PCDH15: variants seen among roughly 807,000 people sequenced by gnomAD.
PCDH15 encodes the protein protocadherin related 15, also known as protocadherin-15.
A neutral mutation model predicts 178.5 loss-of-function variants in PCDH15; 129 were observed. The observed-to-expected ratio is 0.72, with a 90% CI of 0.63 to 0.84. The LOEUF is 0.84. Among genes scored for constraint, PCDH15 ranks in the 40% least tolerant of loss-of-function variants. The pLI is 0.00. For synonymous variants in PCDH15, 800 were observed against 732.0 expected (o/e 1.09, Z -1.50); for missense variants, 2,230 against 2,099.9 (o/e 1.06, Z -1.21).
intron 15 of PCDH15, among the ~76,000 whole-genome samples, chr10:54,101,652 T>A (rs2094814111): frequency 6.6e-6 from 1 of 152,196 alleles, no homozygotes; most frequent in Non-Finnish European, 1.5e-5. Context: ...CAATCACAAC[T>A]GCTAAAAAAG....
chr10:53,994,611 A>C (rs1266470461), intron 21 of PCDH15: 2 of 152,186 alleles, frequency 1.3e-5, no homozygotes, highest in African/African-American at 2.4e-5. Flanking sequence ...GATGGGTTCA[A>C]GTCTATGAAA....
chr10:54,288,687 G>A (rs551501966), intron 8 of PCDH15, among the ~76,000 whole-genome samples: 27 of 152,306 alleles, frequency 1.8e-4, no homozygotes, highest in African/African-American at 2.9e-4. Context: ...CAAGGTCTTC[G>A]CAACTGGCAG....
At chr10:54,635,555 A>G (rs968818497) in intron 2 of PCDH15, among the ~76,000 whole-genome samples, 1 of 151,932 alleles carries the variant, frequency 6.6e-6, no homozygotes, top group Non-Finnish European at 1.5e-5. Flanking sequence ...CATATAATAC[A>G]TTAAGCATTG....
chr10:54,232,651 G>T (rs2054188865), intron 9 of PCDH15, among the ~76,000 whole-genome samples: 1 of 152,010 alleles, frequency 6.6e-6, no homozygotes, highest in Non-Finnish European at 1.5e-5. Context: ...GCATCCATTT[G>T]TCTAGTTGGC....
intron 2 of PCDH15, among the ~76,000 whole-genome samples, chr10:55,035,559 A>G (rs1265133816): frequency 2.6e-5 from 4 of 152,202 alleles, no homozygotes; most frequent in Admixed American, 1.3e-4. Flanking sequence ...AATAAAGTTA[A>G]CTATTCATGG....
intron 3 of PCDH15, among the ~76,000 whole-genome samples, chr10:54,444,111 G>C (rs2076002376): frequency 6.6e-6 from 1 of 151,790 alleles, no homozygotes; most frequent in East Asian, 1.9e-4. Context: ...CAAGAGGTAA[G>C]GGAATATTTA....
At chr10:54,406,646 G>C (rs1017539281) in intron 3 of PCDH15, among the ~76,000 whole-genome samples, 13 of 152,072 alleles carry the variant, frequency 8.5e-5, no homozygotes, top group Non-Finnish European at 1.6e-4. Flanking sequence ...CACTTCACAG[G>C]AATTTGATGG....
At chr10:54,460,781 G>C (rs997043702) in intron 3 of PCDH15, among the ~76,000 whole-genome samples, 4 of 152,082 alleles carry the variant, frequency 2.6e-5, no homozygotes, top group African/African-American at 9.7e-5. Context: ...TATCGAGGTA[G>C]CGAGTTGAAG....
At chr10:54,636,571 A>G (rs2093858168) in intron 2 of PCDH15, among the ~76,000 whole-genome samples, 1 of 152,006 alleles carries the variant, frequency 6.6e-6, no homozygotes, top group Non-Finnish European at 1.5e-5. Context: ...ATTTTCTAGA[A>G]GCCACATATA....
chr10:55,045,940 T>C (rs186110808), intron 2 of PCDH15, among the ~76,000 whole-genome samples: 1 of 152,198 alleles, frequency 6.6e-6, no homozygotes, highest in Admixed American at 6.6e-5. Context: ...TGTAAAATAA[T>C]TGTTCTCCAG....
At chr10:53,952,144 C>G (rs192928468) in intron 23 of PCDH15, among the ~76,000 whole-genome samples, 58 of 152,326 alleles carry the variant, frequency 3.8e-4, no homozygotes, top group African/African-American at 1.3e-3. Flanking sequence ...CTTCTCTTCT[C>G]TCCTTCTCAT....
intron 28 of PCDH15, among the ~76,000 whole-genome samples, chr10:53,848,868 A>G (rs1251246032): frequency 1.3e-5 from 2 of 152,018 alleles, no homozygotes; most frequent in African/African-American, 2.4e-5. Context: ...TTTTGTTTGT[A>G]TTATTTTCAT....
chr10:53,881,049 A>T (rs1254704723), intron 26 of PCDH15, among the ~76,000 whole-genome samples: 1 of 145,900 alleles, frequency 6.9e-6, no homozygotes, highest in East Asian at 1.9e-4. Context: ...ATGCACACAT[A>T]TATAGTTATT....
intron 20 of PCDH15, among the ~76,000 whole-genome samples, chr10:54,001,406 T>C (rs2092128109): frequency 6.6e-6 from 1 of 151,984 alleles, no homozygotes; most frequent in East Asian, 1.9e-4. Context: ...AAGGTATAAA[T>C]AGAAACAATA....
At chr10:54,324,659 C>G (rs1220104729) in intron 7 of PCDH15, among the ~76,000 whole-genome samples, 1 of 151,858 alleles carries the variant, frequency 6.6e-6, no homozygotes, top group African/African-American at 2.4e-5. Flanking sequence ...ACCAACTACT[C>G]GGGAGGCTGA....
At position 55,602,643 on chromosome 10, in the gene PCDH15, A is replaced by T. The variant is rs527772639; in HGVS notation, c.-156+24982T>A. Among the ~76,000 whole-genome samples, 566 of 151,996 alleles carry T rather than the reference A, an allele frequency of 3.7e-3. 3 individuals are homozygous for T. The highest frequency in any genetic ancestry group is 0.013 in the African/African-American group (541 of 41,456). On this transcript the variant is annotated intron_variant, in intron 2 of 5. Coordinates refer to the PCDH15 transcript ENST00000613346. ...GCAGGGGCACACTGACACCTCACAC[A>T]GCAGGGTACTCCAACAGACCTGCAG...
intron 1 of PCDH15, among the ~76,000 whole-genome samples, chr10:54,772,454 T>C (rs1185035752): frequency 2.0e-5 from 3 of 152,156 alleles, no homozygotes; most frequent in Admixed American, 6.6e-5. Context: ...CTTATCTTTT[T>C]GTTGTGCAGA....
rs572948609 is a variant in PCDH15 at position 53,808,244 on chromosome 10, AGAC to A, written c.4672-1117_4672-1115del. ...TTGAAACGTACATATATGCAAAAGT[AGAC>A]GACTGTTAAAGATATAATTTGTTGA... On this transcript the variant is annotated intron_variant, in intron 37 of 37. Transcript: ENST00000644397. The A allele has an allele frequency of 7.2e-4, 161 of 224,368 alleles. 2 individuals are homozygous for A. The highest frequency in any genetic ancestry group is 3.2e-3 in the African/African-American group (136 of 42,644). The allele number at this position is 224,368 out of a possible 1,614,324, so 13.9% of individuals were successfully genotyped here.
chr10:55,225,848 T>G (rs900712802), intron 1 of PCDH15, among the ~76,000 whole-genome samples: 2 of 152,006 alleles, frequency 1.3e-5, no homozygotes, highest in Non-Finnish European at 2.9e-5. Context: ...GAGAGAAAAT[T>G]TACTCCTTTG....
Sources: allele counts gnomAD v4.1 joint callset (sites outside exome capture counted in the v4.1 genomes callset), GRCh38; gene constraint gnomAD v4.1.1; transcripts MANE v1.5; gene names NCBI Gene and HGNC (gene_info 2026-07-23, HGNC 2026-07-21).